TPO: variants seen among roughly 807,000 people sequenced by gnomAD.
The protein encoded by TPO is thyroid microsomal antigen.
TPO carries 78 observed loss-of-function variants against 96.9 expected under a neutral mutation model. The observed-to-expected ratio is 0.81, with a 90% CI of 0.67 to 0.97. The LOEUF is 0.97. Ranked by LOEUF, TPO falls within the 50% of genes least tolerant of loss-of-function variation. The pLI, the probability that TPO is intolerant of heterozygous loss-of-function variation, is 0.00. For synonymous variants in TPO, 547 were observed against 538.0 expected (o/e 1.02, Z -0.23); for missense variants, 1,252 against 1,274.8 (o/e 0.98, Z 0.27).
At chr2:1,535,126 C>T (rs1420635600) in intron 15 of TPO, among the ~76,000 whole-genome samples, 4 of 95,854 alleles carry the variant, frequency 4.2e-5, no homozygotes, top group Non-Finnish European at 6.5e-5. Context: ...CACATCCCCC[C>T]ACTCTGTGCA....
intron 1 of TPO, among the ~76,000 whole-genome samples, chr2:1,395,896 T>C (rs1340172461): frequency 6.6e-6 from 1 of 152,216 alleles, no homozygotes; most frequent in Non-Finnish European, 1.5e-5. Flanking sequence ...CCTTCTGCCA[T>C]GATTGTGAGG....
intron 1 of TPO, among the ~76,000 whole-genome samples, chr2:1,383,914 C>T (rs1661848910): frequency 6.6e-6 from 1 of 152,160 alleles, no homozygotes; most frequent in Admixed American, 6.5e-5. Context: ...AGGAAAGGAT[C>T]CAGTTTCAGC....
intron 5 of TPO, among the ~76,000 whole-genome samples, chr2:1,438,000 A>G (rs544052677): frequency 6.6e-6 from 1 of 151,886 alleles, no homozygotes; most frequent in East Asian, 1.9e-4. Flanking sequence ...GCACGGCTGG[A>G]GGGACCAGGC....
chr2:1,443,707 T>A (rs1268000206), intron 5 of TPO, among the ~76,000 whole-genome samples: 1 of 111,878 alleles, frequency 8.9e-6, no homozygotes, highest in Non-Finnish European at 1.8e-5. Context: ...TGGAGCTGGC[T>A]CCTTCTTGTT....
At chr2:1,478,681 C>T (rs1476334674) in intron 8 of TPO, among the ~76,000 whole-genome samples, 2 of 152,228 alleles carry the variant, frequency 1.3e-5, no homozygotes, top group African/African-American at 4.8e-5. Context: ...CCGGCAAGCA[C>T]GGCAGACGGG....
chr2:1,526,793 C>T (rs1676626669), intron 15 of TPO, among the ~76,000 whole-genome samples: 1 of 112,392 alleles, frequency 8.9e-6, no homozygotes, highest in Admixed American at 9.6e-5. Context: ...CCAATCTATG[C>T]AACCTCCCCA....
chr2:1,519,555 A>G (rs1396732827), intron 15 of TPO, among the ~76,000 whole-genome samples: 2 of 152,212 alleles, frequency 1.3e-5, no homozygotes, highest in African/African-American at 4.8e-5. Context: ...GGGTGGTGGC[A>G]GGAAATATTC....
At chr2:1,415,044 G>A (rs28437028) in intron 2 of TPO, among the ~76,000 whole-genome samples, 14,489 of 152,246 alleles carry the variant, frequency 0.095, 720 homozygotes, top group Non-Finnish European at 0.11. Flanking sequence ...CCCGGGAGCA[G>A]GTGACACCTC....
chr2:1,393,016 A>T (rs1191556998), intron 1 of TPO, among the ~76,000 whole-genome samples: 2 of 152,194 alleles, frequency 1.3e-5, no homozygotes, highest in African/African-American at 4.8e-5. Flanking sequence ...AAGGTGACTG[A>T]CTCAGGTCAT....
At chr2:1,388,806 A>G (rs193173518) in intron 1 of TPO, among the ~76,000 whole-genome samples, 285 of 152,178 alleles carry the variant, frequency 1.9e-3, no homozygotes, top group African/African-American at 6.1e-3. Flanking sequence ...CGTCGCTCAC[A>G]CTGGGAGCTG....
chr2:1,415,690 A>C (rs906275169), intron 2 of TPO, among the ~76,000 whole-genome samples: 1 of 152,088 alleles, frequency 6.6e-6, no homozygotes, highest in African/African-American at 2.4e-5. Context: ...GGGTCTCTGG[A>C]CACAGTCTTG....
intron 13 of TPO, 80 bp from the exon 14 acceptor site, chr2:1,503,867 AC>A: frequency 6.2e-7 from 1 of 1,611,708 alleles, no homozygotes; most frequent in Non-Finnish European, 8.5e-7. Flanking sequence ...AGAGAGAAGC[AC>A]CTCCCAGAAC....
intron 1 of TPO, among the ~76,000 whole-genome samples, chr2:1,404,825 G>A (rs1388163681): frequency 6.6e-6 from 1 of 152,080 alleles, no homozygotes; most frequent in African/African-American, 2.4e-5. Flanking sequence ...TCATTCTATT[G>A]AATTTATCAC....
chr2:1,496,148 C>A lies in TPO; in HGVS notation c.2166C>A (p.Asp722Glu). Residue 722 changes from aspartate to glutamate, a missense_variant, in exon 12 of 17, where the codon GAC (aspartate) becomes GAA (glutamate). Transcript: ENST00000329066. ...TCCCCGAAGACTTTGAGTCTTGTGA[C>A]AGCATCACTGGCATGAACCTGGAGG... ...GKFPEDFESC[D>E]SITGMNLEAW... 2.5e-6 allele frequency: 4 copies of A among 1,614,146 alleles called. No homozygotes were observed. The highest frequency in any genetic ancestry group is 3.4e-6 in the Non-Finnish European group (4 of 1,180,028).
chr2:1,397,859 A>C (rs979501615), intron 1 of TPO, among the ~76,000 whole-genome samples: 2 of 152,166 alleles, frequency 1.3e-5, no homozygotes, highest in Admixed American at 6.5e-5. Flanking sequence ...CCCCCAGCAG[A>C]GCATTTTCAA....
chr2:1,498,507 G>T (rs1010499409), intron 13 of TPO, among the ~76,000 whole-genome samples: 9 of 152,240 alleles, frequency 5.9e-5, no homozygotes, highest in African/African-American at 2.2e-4. Context: ...GTCATCACTG[G>T]AAACCAGCAG....
At chr2:1,536,814 ATC>A (rs1679767314) in intron 15 of TPO, among the ~76,000 whole-genome samples, 1 of 61,050 alleles carries the variant, frequency 1.6e-5, no homozygotes, top group Non-Finnish European at 3.3e-5. Context: ...ACCTCCCCAA[ATC>A]CCCCCCACTG....
intron 15 of TPO, among the ~76,000 whole-genome samples, chr2:1,525,511 C>T (rs1437934102): frequency 9.2e-6 from 1 of 108,616 alleles, no homozygotes; most frequent in South Asian, 3.8e-4. Context: ...CCACTGGGTA[C>T]AACCTCCTCA....
chr2:1,412,923 G>A (rs1450562914), upstream of TPO, among the ~76,000 whole-genome samples: 1 of 152,142 alleles, frequency 6.6e-6, no homozygotes, highest in Non-Finnish European at 1.5e-5. Context: ...GCATGATGAG[G>A]ATTGAGGGGA....
Sources: allele counts gnomAD v4.1 joint callset (sites outside exome capture counted in the v4.1 genomes callset), GRCh38; gene constraint gnomAD v4.1.1; transcripts MANE v1.5; gene names NCBI Gene and HGNC (gene_info 2026-07-23, HGNC 2026-07-21).